The following SOHLH2 variants were observed in gnomAD, a reference collection of about 807,000 sequenced individuals.
SOHLH2 encodes the protein spermatogenesis- and oogenesis-specific basic helix-loop-helix-containing protein 2.
A neutral mutation model predicts 50.4 loss-of-function variants in SOHLH2; 22 were observed. The ratio of observed to expected loss-of-function variants is 0.44; its 90% CI spans 0.31 to 0.62. SOHLH2 has a LOEUF of 0.62. SOHLH2 is among the 20% of genes least tolerant of loss of function. The probability of loss-of-function intolerance (pLI) is 0.08; values close to 1 mark genes in which losing one functional copy is unlikely to be tolerated. For synonymous variants in SOHLH2, 185 were observed against 187.3 expected (o/e 0.99, Z 0.10); for missense variants, 412 against 504.4 (o/e 0.82, Z 1.76).
At chr13:36,212,093 T>A (rs1391146491) in intron 1 of SOHLH2, among the ~76,000 whole-genome samples, 1 of 152,068 alleles carries the variant, frequency 6.6e-6, no homozygotes, top group Non-Finnish European at 1.5e-5. Context: ...GAAAGAGTTA[T>A]GAAGGGCAGA....
intron 2 of SOHLH2, among the ~76,000 whole-genome samples, chr13:36,201,657 C>G (rs940321980): frequency 6.6e-6 from 1 of 152,066 alleles, no homozygotes; most frequent in Non-Finnish European, 1.5e-5. Flanking sequence ...TTTGTAGAGA[C>G]AGAGGTCTCA....
chr13:36,198,686 T>C (rs1171606609), intron 2 of SOHLH2, among the ~76,000 whole-genome samples: 2 of 152,250 alleles, frequency 1.3e-5, no homozygotes, highest in Non-Finnish European at 2.9e-5. Context: ...CATAGTTTTG[T>C]AAGATTAAAT....
At position 36,168,764 on chromosome 13, in the gene SOHLH2, G is replaced by T. The variant is rs950081528; in HGVS notation, c.*270C>A. On this transcript the variant is annotated 3_prime_UTR_variant, in exon 11 of 11. Transcript: ENST00000379881. ...TATTTTTTGAGAAAAGAGAGTGTAGGTCACTGAGGCCATTTGTTCTTGTAG... is the reference window on the plus strand; with the variant it reads ...TATTTTTTGAGAAAAGAGAGTGTAGTTCACTGAGGCCATTTGTTCTTGTAG... The T allele has an allele frequency of 4.5e-6, 2 of 444,298 alleles. No individual in the cohort carries two copies. The highest frequency in any genetic ancestry group is 4.1e-5 in the African/African-American group (2 of 49,132). The allele number at this position is 444,298 out of a possible 1,614,324, so 27.5% of individuals were successfully genotyped here.
chr13:36,208,294 TA>T (rs1868902571), intron 1 of SOHLH2, among the ~76,000 whole-genome samples: 1 of 152,210 alleles, frequency 6.6e-6, no homozygotes. Flanking sequence ...TTGGAAATCT[TA>T]TGTAAGGAGG....
chr13:36,193,759 G>C, intron 3 of SOHLH2, 34 bp from the exon 4 acceptor site: 5 of 1,603,306 alleles, frequency 3.1e-6, no homozygotes, highest in Non-Finnish European at 2.5e-6. Flanking sequence ...TGACCTTATA[G>C]TTTCTATTTA....
intron 2 of SOHLH2, among the ~76,000 whole-genome samples, chr13:36,195,817 T>C (rs1887707038): frequency 6.6e-6 from 1 of 152,168 alleles, no homozygotes; most frequent in Non-Finnish European, 1.5e-5. Flanking sequence ...TTCTGTGCTA[T>C]GAATTCTGGG....
Position 36,191,774 on chromosome 13 carries a change from GA to G in SOHLH2, c.530+20del, listed in dbSNP as rs1189363554. 1.2e-6 allele frequency: 2 copies of G among 1,612,370 alleles called. No individual in the cohort carries two copies. Among genetic ancestry groups the G allele is most frequent in the South Asian group, 2.2e-5 (2 of 90,722 alleles). ...AGTTCTCTAAAAATATTGCTATTATGAAAAAGAACAAAAAACTAACCAGGCA... is the reference window on the plus strand; with the variant it reads ...AGTTCTCTAAAAATATTGCTATTATGAAAAGAACAAAAAACTAACCAGGCA... On this transcript the variant is annotated intron_variant, in intron 5 of 10. Coordinates refer to ENST00000379881, the MANE Select transcript of SOHLH2 (RefSeq NM_017826.3).
intron 6 of SOHLH2, among the ~76,000 whole-genome samples, chr13:36,185,635 C>T (rs1408817698): frequency 6.6e-6 from 1 of 151,762 alleles, no homozygotes; most frequent in Non-Finnish European, 1.5e-5. Context: ...CTAGACTGAT[C>T]AAGAAACAAG....
intron 1 of SOHLH2, among the ~76,000 whole-genome samples, chr13:36,211,291 T>G (rs985799613): frequency 6.6e-6 from 1 of 152,216 alleles, no homozygotes; most frequent in African/African-American, 2.4e-5. Flanking sequence ...TGTAAAACTT[T>G]CTATTAGTAA....
At chr13:36,196,973 T>C (rs895242919) in intron 2 of SOHLH2, among the ~76,000 whole-genome samples, 1 of 152,162 alleles carries the variant, frequency 6.6e-6, no homozygotes, top group Non-Finnish European at 1.5e-5. Flanking sequence ...CTAAAAGAGT[T>C]TCTAGTTTCT....
chr13:36,200,394 T>C (rs1402861250), intron 2 of SOHLH2, among the ~76,000 whole-genome samples: 4 of 152,192 alleles, frequency 2.6e-5, no homozygotes, highest in Admixed American at 2.6e-4. Flanking sequence ...AGACCAGTTG[T>C]TCTAAGAAAC....
rs1366472103 is a variant in SOHLH2, at chr13:36,190,013, A to C, written c.574T>G (p.Ser192Ala). 1 of 1,608,438 alleles carries C rather than the reference A, an allele frequency of 6.2e-7. No homozygotes were observed. The highest frequency in any genetic ancestry group is 8.5e-7 in the Non-Finnish European group (1 of 1,176,532). ...RNGNGLELNASLSEFEKNKKI... is the reference protein window; with the variant it reads ...RNGNGLELNAALSEFEKNKKI... ...TTGTTTTTCTCGAACTCTGACAACG[A>C]AGCATTTAATTCAAGCCCATTGCCA... is the stretch of plus-strand genomic sequence containing the variant. Residue 192 changes from serine (S) to alanine (A), a missense_variant, in exon 6 of 11, where the codon TCG (serine) becomes GCG (alanine). Physicochemically the swap from Ser to Ala is moderately conservative, Grantham distance 99 (BLOSUM62 1). Coordinates refer to ENST00000379881, the MANE Select transcript of SOHLH2 (RefSeq NM_017826.3).
At chr13:36,169,787 C>T (rs1556059) in intron 10 of SOHLH2, among the ~76,000 whole-genome samples, 32,566 of 152,150 alleles carry the variant, frequency 0.21, 3,789 homozygotes, top group Non-Finnish European at 0.26. Flanking sequence ...TTCCTCACCC[C>T]TCTACCTAGC....
intron 2 of SOHLH2, among the ~76,000 whole-genome samples, chr13:36,195,652 A>C (rs940167591): frequency 1.3e-5 from 2 of 152,228 alleles, no homozygotes; most frequent in African/African-American, 4.8e-5. Flanking sequence ...ACCCTAGGGC[A>C]GTGATCCAGG....
chr13:36,187,236 C>T (rs1004355411), intron 6 of SOHLH2, among the ~76,000 whole-genome samples: 4 of 152,002 alleles, frequency 2.6e-5, no homozygotes, highest in Admixed American at 1.3e-4. Context: ...AGAAAACTAA[C>T]ACGTAACTTT....
intron 1 of SOHLH2, among the ~76,000 whole-genome samples, chr13:36,206,126 G>A (rs1031855088): frequency 4.3e-4 from 65 of 151,816 alleles, no homozygotes; most frequent in African/African-American, 1.5e-3. Flanking sequence ...AGCCACATGC[G>A]GCTATTTAAA....
rs574721179 is a variant in SOHLH2, at chr13:36,212,170, G to A, written c.48+2309C>T. Among the ~76,000 whole-genome samples, 3 of 152,292 alleles carry A rather than the reference G, an allele frequency of 2.0e-5. No homozygotes were observed. In the East Asian group the frequency reaches 5.8e-4, roughly 29 times the overall value. On this transcript the variant is annotated intron_variant, in intron 1 of 10. Transcript: ENST00000379881. ...GGAAGATGATCTGGAAAGGGATGAG[G>A]AGAAACAAGCACCACTAACCCACCG...
At chr13:36,180,993 A>T (rs1207345011) in intron 6 of SOHLH2, among the ~76,000 whole-genome samples, 1 of 152,156 alleles carries the variant, frequency 6.6e-6, no homozygotes, top group Non-Finnish European at 1.5e-5. Context: ...ATTGTTTTAA[A>T]ATTATCTATT....
intron 2 of SOHLH2, among the ~76,000 whole-genome samples, chr13:36,195,439 T>C (rs966144414): frequency 5.3e-5 from 8 of 152,008 alleles, no homozygotes; most frequent in African/African-American, 1.7e-4. Context: ...AAAGCATAAG[T>C]GGAGACCAAA....
Sources: gnomAD v4.1 joint callset for allele counts (sites outside exome capture counted in the v4.1 genomes callset) on GRCh38, gnomAD v4.1.1 for gene constraint, MANE v1.5 for transcripts, NCBI Gene and HGNC (gene_info 2026-07-23, HGNC 2026-07-21) for gene names.